SLIT3: variants seen among roughly 807,000 people sequenced by gnomAD.
The protein encoded by SLIT3 is slit homolog 3 protein.
A neutral mutation model predicts 184.0 loss-of-function variants in SLIT3; 68 were observed. That is an observed-to-expected ratio of 0.37 (90% CI 0.30 to 0.45). The LOEUF (loss-of-function observed/expected upper bound fraction) is 0.45. SLIT3 is among the 20% of genes least tolerant of loss of function. The probability of loss-of-function intolerance (pLI) is 1.00; values close to 1 mark genes in which losing one functional copy is unlikely to be tolerated. For missense variants in SLIT3, 1,707 were observed against 2,026.0 expected, an observed-to-expected ratio of 0.84 and a Z score of 3.02; for synonymous variants, 831 against 828.6, an observed-to-expected ratio of 1.00 and a Z score of -0.05.
intron 4 of SLIT3, among the ~76,000 whole-genome samples, chr5:168,923,516 C>CT (rs35732966): frequency 0.033 from 4,483 of 134,334 alleles, 105 homozygotes; most frequent in Non-Finnish European, 0.043. Flanking sequence ...TCCTAAATAT[C>CT]TTTTTTTTTT....
chr5:168,794,984 T>C (rs1293883006), intron 10 of SLIT3, among the ~76,000 whole-genome samples: 3 of 152,216 alleles, frequency 2.0e-5, no homozygotes, highest in Admixed American at 6.5e-5. Flanking sequence ...ATTTTCTGCG[T>C]TCTCCCACTC....
At chr5:169,276,559 C>T (rs1766815188) in intron 1 of SLIT3, among the ~76,000 whole-genome samples, 1 of 152,230 alleles carries the variant, frequency 6.6e-6, no homozygotes, top group African/African-American at 2.4e-5. Flanking sequence ...AATTTACCCT[C>T]CCTCAAATCT....
intron 4 of SLIT3, among the ~76,000 whole-genome samples, chr5:168,935,137 C>CA (rs369026421): frequency 0.43 from 42,782 of 98,886 alleles, 7,378 homozygotes; most frequent in East Asian, 0.49. Context: ...GACTCCGTCT[C>CA]AAAAAAAAAA....
chr5:169,065,860 C>T (rs746679432), intron 4 of SLIT3, among the ~76,000 whole-genome samples: 1 of 152,188 alleles, frequency 6.6e-6, no homozygotes, highest in Non-Finnish European at 1.5e-5. Flanking sequence ...TAAAGTAACA[C>T]GTTTGAGTAG....
At chr5:168,714,683 GC>G (rs1172808812) in intron 23 of SLIT3, among the ~76,000 whole-genome samples, 1 of 152,120 alleles carries the variant, frequency 6.6e-6, no homozygotes, top group Non-Finnish European at 1.5e-5. Flanking sequence ...TCCTGGTTTG[GC>G]CCCCAAAGAA....
Position 169,125,605 on chromosome 5 carries a change from G to A in SLIT3, c.413+67874C>T, listed in dbSNP as rs550942611. On this transcript the variant is annotated intron_variant, in intron 4 of 35. Coordinates refer to ENST00000519560, the MANE Select transcript of SLIT3 (RefSeq NM_003062.4). The stretch of plus-strand genomic sequence containing the variant: ...GGAGGTCCCTGGCTTCCACACTCAC[G>A]GAGCCAGATGCCATTGTCAGAATCC... 7.2e-5 allele frequency among the ~76,000 whole-genome samples: 11 copies of A among 152,246 alleles called. 2 individuals carry two copies. Among genetic ancestry groups the A allele is most frequent in the East Asian group, 5.8e-4 (3 of 5,184 alleles).
chr5:169,085,615 G>A (rs1037277310), intron 4 of SLIT3, among the ~76,000 whole-genome samples: 9 of 152,190 alleles, frequency 5.9e-5, no homozygotes, highest in Non-Finnish European at 1.0e-4. Context: ...GAAATAAGAA[G>A]GAGGTTACCG....
chr5:169,226,746 T>C (rs558156368), intron 3 of SLIT3, among the ~76,000 whole-genome samples: 3 of 152,326 alleles, frequency 2.0e-5, no homozygotes, highest in Non-Finnish European at 4.4e-5. Flanking sequence ...TCTCTTACTC[T>C]GTCTCTATCT....
chr5:168,933,099 C>A (rs899594935), intron 4 of SLIT3, among the ~76,000 whole-genome samples: 5 of 152,102 alleles, frequency 3.3e-5, no homozygotes, highest in African/African-American at 1.2e-4. Flanking sequence ...ACAGCATTAA[C>A]AAAGATGCAA....
chr5:168,953,508 C>G (rs1174229325), intron 4 of SLIT3, among the ~76,000 whole-genome samples: 1 of 152,200 alleles, frequency 6.6e-6, no homozygotes, highest in African/African-American at 2.4e-5. Flanking sequence ...CAACAGATCA[C>G]TTAGAAATAG....
chr5:168,911,523 C>T (rs1050468115), intron 4 of SLIT3, among the ~76,000 whole-genome samples: 7 of 152,242 alleles, frequency 4.6e-5, no homozygotes, highest in East Asian at 1.9e-4. Flanking sequence ...TTCTTGAAAC[C>T]GGCTCGCCAC....
intron 4 of SLIT3, among the ~76,000 whole-genome samples, chr5:169,174,181 C>T (rs1762898652): frequency 6.6e-6 from 1 of 152,174 alleles, no homozygotes; most frequent in Non-Finnish European, 1.5e-5. Flanking sequence ...TCTTTCGGGC[C>T]ATCCTACCTC....
intron 1 of SLIT3, among the ~76,000 whole-genome samples, chr5:169,255,622 G>A (rs1765930406): frequency 6.6e-6 from 1 of 152,186 alleles, no homozygotes; most frequent in Non-Finnish European, 1.5e-5. Context: ...AGTGGCTCAA[G>A]CCTGTAATCC....
chr5:169,245,209 G>T (rs1044788862), intron 2 of SLIT3, among the ~76,000 whole-genome samples: 1 of 152,104 alleles, frequency 6.6e-6, no homozygotes, highest in Non-Finnish European at 1.5e-5. Flanking sequence ...TGAGGCTATT[G>T]TGAAACGACT....
intron 20 of SLIT3, among the ~76,000 whole-genome samples, chr5:168,734,909 A>G (rs909278332): frequency 1.3e-5 from 2 of 152,190 alleles, no homozygotes; most frequent in Non-Finnish European, 2.9e-5. Context: ...AGTTGCTTTC[A>G]GTGCAGAATG....
chr5:168,672,720 C>T (rs1761291380), intron 33 of SLIT3, among the ~76,000 whole-genome samples: 1 of 152,186 alleles, frequency 6.6e-6, no homozygotes, highest in Admixed American at 6.5e-5. Context: ...GTGATCCTCC[C>T]ACCTCAGCCT....
At chr5:168,755,389 A>ATTTCTTTCTTTCTTTCTTTCTTCTTTC in intron 16 of SLIT3, among the ~76,000 whole-genome samples, 1 of 133,774 alleles carries the variant, frequency 7.5e-6, no homozygotes, top group Admixed American at 7.9e-5. Flanking sequence ...CAGTGCCGCC[A>ATTTCTTTCTTTCTTTCTTTCTTCTTTC]TTTCTTTCTT....
chr5:168,795,451 A>C (rs574576664), intron 10 of SLIT3, 56 bp downstream of exon 10: 1 of 1,421,958 alleles, frequency 7.0e-7, no homozygotes, highest in East Asian at 2.3e-5. Context: ...TACACATTGC[A>C]AACAACCCTG....
intron 20 of SLIT3, among the ~76,000 whole-genome samples, chr5:168,732,991 G>T (rs1490932626): frequency 2.6e-5 from 4 of 152,006 alleles, no homozygotes; most frequent in Non-Finnish European, 5.9e-5. Flanking sequence ...AAAAGCTTCT[G>T]CACAGCAAAA....
Sources: allele counts gnomAD v4.1 joint callset (sites outside exome capture counted in the v4.1 genomes callset), GRCh38; gene constraint gnomAD v4.1.1; transcripts MANE v1.5; gene names NCBI Gene and HGNC (gene_info 2026-07-23, HGNC 2026-07-21).